Variants in ANTXR1 observed in about 807,000 individuals in gnomAD.
ANTXR1 encodes anthrax toxin receptor 1.
In ANTXR1, 19 loss-of-function variants were observed where a neutral mutation model predicts 78.1. That is an observed-to-expected ratio of 0.24 (90% CI 0.17 to 0.36). The LOEUF is 0.36. Ranked by LOEUF, ANTXR1 falls within the 10% of genes least tolerant of loss-of-function variation. The pLI is 1.00. For missense variants in ANTXR1, 518 were observed against 718.6 expected, an observed-to-expected ratio of 0.72 and a Z score of 3.19; for synonymous variants, 273 against 260.5, an observed-to-expected ratio of 1.05 and a Z score of -0.46.
chr2:69,121,578 T>C (rs1323318468), intron 10 of ANTXR1, among the ~76,000 whole-genome samples: 1 of 152,230 alleles, frequency 6.6e-6, no homozygotes, highest in Non-Finnish European at 1.5e-5. Flanking sequence ...AAGAGTTTAA[T>C]GTCAGCTATA....
At chr2:69,125,895 C>G (rs1190402015) in intron 12 of ANTXR1, among the ~76,000 whole-genome samples, 1 of 152,022 alleles carries the variant, frequency 6.6e-6, no homozygotes, top group African/African-American at 2.4e-5. Flanking sequence ...CCAAAATAAC[C>G]TTTGTCGGCG....
intron 16 of ANTXR1, among the ~76,000 whole-genome samples, chr2:69,193,120 AG>A (rs1191270344): frequency 6.6e-6 from 1 of 152,138 alleles, no homozygotes; most frequent in Non-Finnish European, 1.5e-5. Flanking sequence ...GTCCTTCACA[AG>A]CATCAGAGTC....
chr2:69,117,371 A>T (rs918782830), intron 10 of ANTXR1, among the ~76,000 whole-genome samples: 1 of 152,242 alleles, frequency 6.6e-6, no homozygotes, highest in African/African-American at 2.4e-5. Flanking sequence ...TCAGTTTCTC[A>T]AAATGTAAAT....
At chr2:69,050,060 G>A (rs533585003) in intron 3 of ANTXR1, among the ~76,000 whole-genome samples, 94 of 152,248 alleles carry the variant, frequency 6.2e-4, no homozygotes, top group African/African-American at 2.2e-3. Context: ...TTGGGAAGCT[G>A]AGGTGAGAGG....
chr2:69,021,006 A>C (rs949661896), intron 1 of ANTXR1, among the ~76,000 whole-genome samples: 3 of 152,176 alleles, frequency 2.0e-5, no homozygotes, highest in Admixed American at 2.0e-4. Flanking sequence ...AAGTTAGAGG[A>C]CTCTAGGCAG....
chr2:69,183,522 C>G (rs1674330931), intron 16 of ANTXR1, among the ~76,000 whole-genome samples: 1 of 151,876 alleles, frequency 6.6e-6, no homozygotes, highest in African/African-American at 2.4e-5. Context: ...CCCACCTCAA[C>G]CCCCAAGTAG....
At chr2:69,090,636 T>A in intron 8 of ANTXR1, 1 of 593,726 alleles carries the variant, frequency 1.7e-6, no homozygotes, top group Non-Finnish European at 3.0e-6. Context: ...AATGAATGAA[T>A]AATTCTTAGG....
chr2:69,025,621 C>A (rs554918003), intron 1 of ANTXR1, among the ~76,000 whole-genome samples: 2 of 150,574 alleles, frequency 1.3e-5, no homozygotes, highest in African/African-American at 5.0e-5. Context: ...AATAAGAATT[C>A]TATAGCAAAT....
intron 12 of ANTXR1, 52 bp from the exon 13 acceptor site, chr2:69,152,117 G>A: frequency 1.3e-6 from 2 of 1,557,180 alleles, no homozygotes; most frequent in East Asian, 2.2e-5. Flanking sequence ...GGGGAGGGAA[G>A]ATCACACATG....
chr2:69,195,923 T>C (rs1435420726), intron 17 of ANTXR1, among the ~76,000 whole-genome samples: 1 of 152,212 alleles, frequency 6.6e-6, no homozygotes, highest in East Asian at 1.9e-4. Flanking sequence ...CTGACCAGTT[T>C]GGCAGAAACC....
At chr2:69,155,770 T>C (rs1277126649) in intron 13 of ANTXR1, among the ~76,000 whole-genome samples, 1 of 152,174 alleles carries the variant, frequency 6.6e-6, no homozygotes, top group African/African-American at 2.4e-5. Context: ...AATGCCCTGA[T>C]GGGAGCCTGC....
intron 16 of ANTXR1, among the ~76,000 whole-genome samples, chr2:69,188,295 A>G (rs960541237): frequency 6.6e-6 from 1 of 152,126 alleles, no homozygotes; most frequent in African/African-American, 2.4e-5. Flanking sequence ...TTTTGTAAAC[A>G]TGGGGATCTC....
At chr2:69,138,436 A>G (rs1194286654) in intron 12 of ANTXR1, among the ~76,000 whole-genome samples, 5 of 152,188 alleles carry the variant, frequency 3.3e-5, no homozygotes, top group African/African-American at 9.7e-5. Flanking sequence ...TAATCAGGAT[A>G]GTATTTGGGA....
At chr2:69,134,969 G>A (rs1415203057) in intron 12 of ANTXR1, 2 of 342,218 alleles carry the variant, frequency 5.8e-6, no homozygotes, top group Non-Finnish European at 1.2e-5. Context: ...TTATTATTAT[G>A]ATTACTATTA....
intron 12 of ANTXR1, among the ~76,000 whole-genome samples, chr2:69,139,197 C>T (rs1479872674): frequency 1.3e-5 from 2 of 152,228 alleles, no homozygotes; most frequent in African/African-American, 2.4e-5. Flanking sequence ...CTGGAATGCC[C>T]TCTCTTCTTT....
intron 14 of ANTXR1, among the ~76,000 whole-genome samples, chr2:69,181,413 A>G (rs923250852): frequency 1.3e-5 from 2 of 152,140 alleles, no homozygotes; most frequent in East Asian, 1.9e-4. Context: ...TTAGCCCCCA[A>G]ATAATGTGAA....
intron 5 of ANTXR1, 74 bp downstream of exon 5, chr2:69,071,861 GTCATT>G: frequency 7.5e-7 from 1 of 1,328,908 alleles, no homozygotes; most frequent in African/African-American, 1.4e-5. Context: ...AAGTGCTTCA[GTCATT>G]TCATGTTTCA....
chr2:69,130,721 A>C (rs567515355), intron 12 of ANTXR1, among the ~76,000 whole-genome samples: 1 of 152,172 alleles, frequency 6.6e-6, no homozygotes, highest in African/African-American at 2.4e-5. Context: ...TGCCAAGTAA[A>C]AGTCTAATGC....
intron 12 of ANTXR1, chr2:69,145,610 C>T: frequency 7.5e-7 from 1 of 1,337,216 alleles, no homozygotes; most frequent in Non-Finnish European, 9.6e-7. Context: ...TTATTGGCTA[C>T]ATAATCACTC....
Sources: gnomAD v4.1 joint callset for allele counts (sites outside exome capture counted in the v4.1 genomes callset) on GRCh38, gnomAD v4.1.1 for gene constraint, MANE v1.5 for transcripts, NCBI Gene and HGNC (gene_info 2026-07-23, HGNC 2026-07-21) for gene names.